Variants in ADAMTS6 observed in about 807,000 individuals in gnomAD.
ADAMTS6 encodes the protein ADAM metallopeptidase with thrombospondin type 1 motif 6, also known as A disintegrin and metalloproteinase with thrombospondin motifs 6.
In ADAMTS6, 23 loss-of-function variants were observed where a neutral mutation model predicts 144.3. The observed-to-expected ratio is 0.16, with a 90% CI of 0.11 to 0.23. The LOEUF (loss-of-function observed/expected upper bound fraction) is 0.23, where lower values mean the gene tolerates loss of function less well. ADAMTS6 is among the 10% of genes least tolerant of loss of function. ADAMTS6 has a pLI of 1.00. For missense variants in ADAMTS6, 999 were observed against 1,379.6 expected (o/e 0.72, Z 4.37); for synonymous variants, 444 against 457.5 (o/e 0.97, Z 0.38).
chr5:65,336,370 T>G (rs1294364033), intron 7 of ADAMTS6, among the ~76,000 whole-genome samples: 1 of 152,052 alleles, frequency 6.6e-6, no homozygotes, highest in Non-Finnish European at 1.5e-5. Flanking sequence ...TAAAAATGTG[T>G]TTTTCATTGC....
chr5:65,361,748 T>C (rs899577957), intron 7 of ADAMTS6, among the ~76,000 whole-genome samples: 3 of 152,092 alleles, frequency 2.0e-5, no homozygotes, highest in African/African-American at 7.2e-5. Context: ...TTCTTTTTTT[T>C]TTTGAAACAG....
chr5:65,403,213 T>C (rs1754092380), intron 7 of ADAMTS6, among the ~76,000 whole-genome samples: 1 of 152,158 alleles, frequency 6.6e-6, no homozygotes, highest in Non-Finnish European at 1.5e-5. Flanking sequence ...AGCTGCTTTT[T>C]CTGTCTGCTT....
At chr5:65,469,150 C>T (rs1488785907) in intron 3 of ADAMTS6, among the ~76,000 whole-genome samples, 1 of 152,170 alleles carries the variant, frequency 6.6e-6, no homozygotes, top group African/African-American at 2.4e-5. Context: ...TGTCTTATTA[C>T]ATGTCAGGAA....
At chr5:65,369,031 G>A (rs566944648) in intron 7 of ADAMTS6, among the ~76,000 whole-genome samples, 42 of 152,262 alleles carry the variant, frequency 2.8e-4, no homozygotes, top group African/African-American at 1.0e-3. Context: ...ACTCCAGCCT[G>A]GGTGACAGAG....
intron 9 of ADAMTS6, among the ~76,000 whole-genome samples, chr5:65,309,664 G>A (rs1260846385): frequency 2.0e-5 from 3 of 151,734 alleles, no homozygotes; most frequent in South Asian, 2.1e-4. Flanking sequence ...ATACATACCC[G>A]AATATATACA....
At chr5:65,373,884 G>A (rs1176938725) in intron 7 of ADAMTS6, among the ~76,000 whole-genome samples, 5 of 152,124 alleles carry the variant, frequency 3.3e-5, no homozygotes, top group Admixed American at 2.0e-4. Flanking sequence ...ACCGAATCCA[G>A]CAGCACATCA....
chr5:65,355,712 G>A (rs1405705724), intron 7 of ADAMTS6, among the ~76,000 whole-genome samples: 1 of 151,796 alleles, frequency 6.6e-6, no homozygotes, highest in Non-Finnish European at 1.5e-5. Flanking sequence ...TCTAAAGCAT[G>A]ACCAAGAAGT....
intron 12 of ADAMTS6, 44 bp from the exon 13 acceptor site, chr5:65,263,006 T>C (rs370841987): frequency 6.6e-5 from 107 of 1,612,170 alleles, no homozygotes; most frequent in Non-Finnish European, 8.4e-5. Context: ...TTTAGGCAGA[T>C]AGAGCTATCA....
intron 11 of ADAMTS6, among the ~76,000 whole-genome samples, chr5:65,288,476 C>T (rs574255001): frequency 2.2e-4 from 33 of 152,074 alleles, no homozygotes; most frequent in South Asian, 6.2e-4. Context: ...TGCACCACCA[C>T]GCCCAGCTAA....
intron 14 of ADAMTS6, among the ~76,000 whole-genome samples, chr5:65,248,339 G>A (rs1759821458): frequency 6.6e-6 from 1 of 152,070 alleles, no homozygotes; most frequent in South Asian, 2.1e-4. Flanking sequence ...AACAAGGGCA[G>A]ATAACCCACA....
At chr5:65,169,892 G>GGT (rs1467005165) in intron 24 of ADAMTS6, among the ~76,000 whole-genome samples, 26 of 114,060 alleles carry the variant, frequency 2.3e-4, no homozygotes, top group African/African-American at 1.3e-3. Flanking sequence ...GTGGTGGGGA[G>GGT]GGGGGAGGGG....
intron 7 of ADAMTS6, among the ~76,000 whole-genome samples, chr5:65,411,699 T>C (rs1001330402): frequency 6.6e-6 from 1 of 152,156 alleles, no homozygotes; most frequent in African/African-American, 2.4e-5. Context: ...GATAAGTGTA[T>C]AAAGGGAAGG....
intron 7 of ADAMTS6, among the ~76,000 whole-genome samples, chr5:65,402,580 A>C (rs147988229): frequency 7.6e-4 from 115 of 152,256 alleles, no homozygotes; most frequent in African/African-American, 2.7e-3. Context: ...AAACAACCAG[A>C]AGGAAACTTC....
intron 7 of ADAMTS6, among the ~76,000 whole-genome samples, chr5:65,364,917 C>G: frequency 6.6e-6 from 1 of 152,056 alleles, no homozygotes; most frequent in South Asian, 2.1e-4. Context: ...ATGCTCAAAT[C>G]AGATCAACTT....
intron 20 of ADAMTS6, among the ~76,000 whole-genome samples, chr5:65,204,877 C>T (rs956782823): frequency 4.6e-5 from 7 of 152,118 alleles, no homozygotes; most frequent in Non-Finnish European, 1.0e-4. Context: ...CTATCTTTCA[C>T]AGGGAATTTT....
intron 7 of ADAMTS6, among the ~76,000 whole-genome samples, chr5:65,361,803 G>A (rs894732849): frequency 1.1e-4 from 16 of 151,226 alleles, no homozygotes; most frequent in African/African-American, 2.7e-4. Flanking sequence ...GCATGATCAC[G>A]GCTCACTGCA....
At chr5:65,213,634 CA>C (rs548001753) in intron 20 of ADAMTS6, among the ~76,000 whole-genome samples, 6,442 of 131,916 alleles carry the variant, frequency 0.049, 195 homozygotes, top group Middle Eastern at 0.092. Context: ...AAACCTGTCT[CA>C]AAAAAAAAAA....
intron 20 of ADAMTS6, among the ~76,000 whole-genome samples, chr5:65,202,561 A>C (rs1478952697): frequency 1.3e-5 from 2 of 152,170 alleles, no homozygotes; most frequent in Non-Finnish European, 2.9e-5. Flanking sequence ...GAACAGGGCA[A>C]GTACCATTAT....
At chr5:65,475,455 T>TA (rs1306451354) in intron 1 of ADAMTS6, among the ~76,000 whole-genome samples, 3 of 152,174 alleles carry the variant, frequency 2.0e-5, no homozygotes, top group African/African-American at 7.2e-5. Flanking sequence ...ATTCAATCCT[T>TA]GCCCTTGGAG....
Sources: allele counts gnomAD v4.1 joint callset (sites outside exome capture counted in the v4.1 genomes callset), GRCh38; gene constraint gnomAD v4.1.1; transcripts MANE v1.5; gene names NCBI Gene and HGNC (gene_info 2026-07-23, HGNC 2026-07-21).